RIMS2: variants seen among roughly 807,000 people sequenced by gnomAD.
The protein encoded by RIMS2 is regulating synaptic membrane exocytosis 2.
RIMS2 carries 59 observed loss-of-function variants against 174.4 expected under a neutral mutation model. The observed-to-expected ratio is 0.34, with a 90% CI of 0.27 to 0.42. The LOEUF (loss-of-function observed/expected upper bound fraction) is 0.42, where lower values mean the gene tolerates loss of function less well. Ranked by LOEUF, RIMS2 falls within the 10% of genes least tolerant of loss-of-function variation. The pLI is 1.00. For synonymous variants in RIMS2, 606 were observed against 572.5 expected (o/e 1.06, Z -0.84); for missense variants, 1,620 against 1,666.3 (o/e 0.97, Z 0.48).
intron 19 of RIMS2, among the ~76,000 whole-genome samples, chr8:104,025,261 C>G (rs2096225564): frequency 6.6e-6 from 1 of 152,076 alleles, no homozygotes; most frequent in African/African-American, 2.4e-5. Flanking sequence ...AGGAGACTTG[C>G]TTGAGGAAAG....
At chr8:103,812,331 G>GTTTTTTTTTTTTT (rs71575985) in intron 3 of RIMS2, among the ~76,000 whole-genome samples, 102 of 111,536 alleles carry the variant, frequency 9.1e-4, no homozygotes, top group Non-Finnish European at 1.1e-3. Context: ...TTATTACCTT[G>GTTTTTTTTTTTTT]TTTTTTTTTT....
At chr8:104,102,219 T>C (rs1056505310) in intron 19 of RIMS2, among the ~76,000 whole-genome samples, 6 of 152,158 alleles carry the variant, frequency 3.9e-5, no homozygotes, top group Non-Finnish European at 7.4e-5. Context: ...ATTAAATTCA[T>C]TATACCCCTC....
At chr8:103,928,643 T>C (rs930128481) in intron 11 of RIMS2, among the ~76,000 whole-genome samples, 2 of 151,276 alleles carry the variant, frequency 1.3e-5, no homozygotes, top group Non-Finnish European at 3.0e-5. Context: ...GTAATACTTA[T>C]TTTGTTTAAA....
chr8:103,734,247 G>C (rs2097653230), intron 2 of RIMS2, among the ~76,000 whole-genome samples: 1 of 149,242 alleles, frequency 6.7e-6, no homozygotes, highest in Non-Finnish European at 1.5e-5. Flanking sequence ...TCTTGACCTT[G>C]TGATCTACCC....
At chr8:103,776,552 G>A (rs2098319200) in intron 3 of RIMS2, among the ~76,000 whole-genome samples, 1 of 151,858 alleles carries the variant, frequency 6.6e-6, no homozygotes, top group Admixed American at 6.6e-5. Context: ...AAATATTTTT[G>A]TATTTTATTA....
intron 2 of RIMS2, among the ~76,000 whole-genome samples, chr8:103,755,006 G>A (rs1211628420): frequency 2.0e-5 from 3 of 152,128 alleles, no homozygotes; most frequent in African/African-American, 7.2e-5. Context: ...GTTAGTTTAT[G>A]CAGTTCCTTC....
intron 1 of RIMS2, among the ~76,000 whole-genome samples, chr8:103,533,897 A>G (rs1434388291): frequency 6.6e-6 from 1 of 152,180 alleles, no homozygotes; most frequent in Non-Finnish European, 1.5e-5. Context: ...CTTCTTGTAG[A>G]TGTAACCATC....
chr8:103,535,195 T>C (rs915704036), intron 1 of RIMS2, among the ~76,000 whole-genome samples: 7 of 152,348 alleles, frequency 4.6e-5, no homozygotes, highest in African/African-American at 1.7e-4. Context: ...ATCCTAGTCA[T>C]GTAAGCATTA....
At chr8:103,917,052 A>G (rs2076749654) in intron 8 of RIMS2, among the ~76,000 whole-genome samples, 1 of 152,218 alleles carries the variant, frequency 6.6e-6, no homozygotes, top group Admixed American at 6.5e-5. Context: ...ATGCCTATGC[A>G]TTAAATATAA....
intron 19 of RIMS2, among the ~76,000 whole-genome samples, chr8:104,016,447 A>G (rs1247385812): frequency 1.3e-5 from 2 of 152,038 alleles, no homozygotes; most frequent in Non-Finnish European, 2.9e-5. Flanking sequence ...ATGATGGTCA[A>G]CTTCTGTTTT....
intron 3 of RIMS2, among the ~76,000 whole-genome samples, chr8:103,799,310 A>G (rs2098586317): frequency 6.6e-6 from 1 of 152,212 alleles, no homozygotes; most frequent in South Asian, 2.1e-4. Context: ...TTACCTCAAC[A>G]ATGGAAAATT....
chr8:103,902,738 ATCT>A (rs1300587300), intron 4 of RIMS2, among the ~76,000 whole-genome samples: 1 of 152,170 alleles, frequency 6.6e-6, no homozygotes, highest in African/African-American at 2.4e-5. Context: ...CCTCTGAGAA[ATCT>A]TCTGTGTTTC....
chr8:103,730,277 C>T (rs2097574818), intron 2 of RIMS2, among the ~76,000 whole-genome samples: 1 of 148,684 alleles, frequency 6.7e-6, no homozygotes, highest in African/African-American at 2.5e-5. Flanking sequence ...TATATATTTG[C>T]AATTGTTATA....
intron 1 of RIMS2, among the ~76,000 whole-genome samples, chr8:103,632,731 ATTTT>A (rs61579273): frequency 5.8e-4 from 41 of 70,412 alleles, no homozygotes; most frequent in East Asian, 1.8e-3. Context: ...ATATTTATTG[ATTTT>A]TTTTTTTTTT....
chr8:103,517,900 C>T (rs113198320), intron 1 of RIMS2, among the ~76,000 whole-genome samples: 23 of 148,042 alleles, frequency 1.6e-4, no homozygotes, highest in Admixed American at 1.0e-3. Flanking sequence ...ATAAAATGCA[C>T]GAATATGATA....
intron 3 of RIMS2, among the ~76,000 whole-genome samples, chr8:103,863,907 TG>T (rs150707016): frequency 0.38 from 54,200 of 143,824 alleles, 10,810 homozygotes; most frequent in African/African-American, 0.52. Flanking sequence ...TTGTTTTTTT[TG>T]TTTGTTTGTT....
chr8:104,188,741 A>G (rs1340433819), intron 19 of RIMS2, among the ~76,000 whole-genome samples: 1 of 151,920 alleles, frequency 6.6e-6, no homozygotes. Context: ...TAAATATAAC[A>G]AAATGTCATT....
intron 1 of RIMS2, among the ~76,000 whole-genome samples, chr8:103,572,929 G>T (rs1426295222): frequency 6.6e-6 from 1 of 152,020 alleles, no homozygotes; most frequent in Non-Finnish European, 1.5e-5. Flanking sequence ...GTCAATTTTT[G>T]TCTATGTTTC....
chr8:104,047,299 A>G (rs1200395978), intron 19 of RIMS2, among the ~76,000 whole-genome samples: 4 of 152,254 alleles, frequency 2.6e-5, no homozygotes, highest in African/African-American at 9.6e-5. Context: ...TCTGAAAACT[A>G]TAACATTCTG....
Sources: gnomAD v4.1 joint callset for allele counts (sites outside exome capture counted in the v4.1 genomes callset) on GRCh38, gnomAD v4.1.1 for gene constraint, MANE v1.5 for transcripts, NCBI Gene and HGNC (gene_info 2026-07-23, HGNC 2026-07-21) for gene names.